The following ZFYVE19 variants were observed in gnomAD, a reference collection of about 807,000 sequenced individuals.
ZFYVE19 encodes the protein zinc finger FYVE-type containing 19, also known as abscission/NoCut checkpoint regulator.
A neutral mutation model predicts 62.8 loss-of-function variants in ZFYVE19; 49 were observed. That is an observed-to-expected ratio of 0.78 (90% confidence interval 0.62 to 0.99). ZFYVE19 has a LOEUF of 0.99. ZFYVE19 is among the 50% of genes least tolerant of loss of function. ZFYVE19 has a pLI of 0.00. For missense variants in ZFYVE19, 630 were observed against 601.9 expected (o/e 1.05, Z -0.49); for synonymous variants, 242 against 234.3 (o/e 1.03, Z -0.30).
chr15:40,809,760 G>T, intron 3 of ZFYVE19, 92 bp from the exon 4 acceptor site: 3 of 1,413,460 alleles, frequency 2.1e-6, no homozygotes, highest in Non-Finnish European at 3.0e-6. Context: ...TAAGTGCCCA[G>T]AAATGATTTG....
intron 6 of ZFYVE19, 142 bp from the exon 7 acceptor site, chr15:40,812,557 A>G (rs868528482): frequency 2.9e-4 from 134 of 464,916 alleles, no homozygotes; most frequent in African/African-American, 9.0e-4. Flanking sequence ...AAAAAAAAAA[A>G]AAAGAAAGAA....
Position 40,807,654 on chromosome 15 carries a change from C to A in ZFYVE19, c.65C>A (p.Ser22Tyr). ...PLPYAGCRRA[S>Y]GFPALGRGGT... ...CCGTACGCTGGCTGCAGGAGAGCGT[C>A]CGGATTCCCTGCTCTAGGTCGCGGC... The change falls in exon 1 of 11, where the codon TCC becomes TAC. Residue 22 changes from serine to tyrosine, a missense_variant. Transcript: ENST00000355341. 6.2e-7 allele frequency: 1 copy of A among 1,611,790 alleles called. No homozygotes were observed. The highest frequency in any genetic ancestry group is 8.5e-7 in the Non-Finnish European group (1 of 1,179,368).
chr15:40,807,998 C>A, intron 1 of ZFYVE19, 130 bp downstream of exon 1: 1 of 1,230,660 alleles, frequency 8.1e-7, no homozygotes, highest in Non-Finnish European at 1.2e-6. Flanking sequence ...CATTGATCCT[C>A]AGTTTCCATT....
At chr15:40,813,531 C>T (rs552969781) in intron 8 of ZFYVE19, 114 bp downstream of exon 8, 9 of 1,267,268 alleles carry the variant, frequency 7.1e-6, no homozygotes, top group African/African-American at 1.5e-5. Context: ...CTTTGGGCCC[C>T]CTCCTGTGAC....
chr15:40,807,575 G>C lies in ZFYVE19; in HGVS notation c.-15G>C, dbSNP rs748834881. The C allele has an allele frequency of 1.6e-5, 26 of 1,609,216 alleles. No homozygotes were observed. Among genetic ancestry groups the C allele is most frequent in the Non-Finnish European group, 2.2e-5 (26 of 1,177,372 alleles). Reference sequence around the variant, plus strand: ...GTCAGGCTTGACTGACTCTGAGGGAGGCCGGCAGTCGTGAATGAACTACGA... The same window carrying C: ...GTCAGGCTTGACTGACTCTGAGGGACGCCGGCAGTCGTGAATGAACTACGA... On this transcript the variant is annotated 5_prime_UTR_variant, in exon 1 of 11. Coordinates refer to ENST00000355341, the MANE Select transcript of ZFYVE19 (RefSeq NM_001077268.2).
chr15:40,810,095 T>TA lies in ZFYVE19; in HGVS notation c.597dup (p.Glu200ArgfsTer10), dbSNP rs1890432913. 2 of 1,614,124 alleles carry TA rather than the reference T, an allele frequency of 1.2e-6. No individual in the cohort carries two copies. Among genetic ancestry groups the TA allele is most frequent in the Non-Finnish European group, 1.7e-6 (2 of 1,180,020 alleles). ...GAGTTAGTCCCCTCACAGGCAGAGA[T>TA]AGAGGCACGGCTGGCTGCCCTAAAG... On this transcript the variant is annotated frameshift_variant, in exon 5 of 11. Coordinates refer to ENST00000355341, the MANE Select transcript of ZFYVE19 (RefSeq NM_001077268.2). LOFTEE classifies it high-confidence loss of function.
chr15:40,807,751 A>G lies in ZFYVE19; in HGVS notation c.162A>G (p.Pro54=), dbSNP rs375618032. The part of the protein sequence containing the change: ...GREGRSWGEG[P]RGPGLGRRDL... ...AAGGGCGGAGCTGGGGTGAGGGTCCAAGGGGCCCAGGACTTGGCCGGCGTG... is the reference window on the plus strand; with the variant it reads ...AAGGGCGGAGCTGGGGTGAGGGTCCGAGGGGCCCAGGACTTGGCCGGCGTG... The change falls in exon 1 of 11, where the codon CCA becomes CCG. Residue 54 remains proline, a synonymous_variant. Transcript: ENST00000355341. The G allele has an allele frequency of 6.3e-7, 1 of 1,591,220 alleles. No homozygotes were observed. Among genetic ancestry groups the G allele is most frequent in the African/African-American group, 1.3e-5 (1 of 74,718 alleles).
intron 6 of ZFYVE19, chr15:40,810,962 T>C: frequency 1.7e-6 from 1 of 581,452 alleles, no homozygotes; most frequent in Non-Finnish European, 2.9e-6. Flanking sequence ...AGACAGTGAT[T>C]CCCATTTCTA....
chr15:40,809,322 C>G, intron 2 of ZFYVE19, 82 bp downstream of exon 2: 1 of 1,613,282 alleles, frequency 6.2e-7, no homozygotes. Flanking sequence ...TACTCTGTCG[C>G]GAGAGTCAGC....
chr15:40,809,085 G>C, intron 1 of ZFYVE19, 34 bp from the exon 2 acceptor site: 4 of 1,609,844 alleles, frequency 2.5e-6, no homozygotes, highest in Non-Finnish European at 3.4e-6. Flanking sequence ...AGGGGCGGGT[G>C]AGAGGGGGAT....
Position 40,809,990 on chromosome 15 carries a change from G to T in ZFYVE19, c.571+20G>T, listed in dbSNP as rs375216863. 7.7e-4 allele frequency: 1,239 copies of T among 1,614,192 alleles called. 14 individuals are homozygous for T. The South Asian group carries it at 0.013, about 16-fold the overall frequency. ...AGCCCAGTGAGCAGGGGCAGATGGG[G>T]TTGCCTAGAGGACACAGTCCAGGGC... On this transcript the variant is annotated intron_variant, in intron 4 of 10. Transcript: ENST00000355341.
intron 7 of ZFYVE19, 152 bp downstream of exon 7, chr15:40,813,054 G>C (rs984865401): frequency 2.2e-6 from 2 of 921,770 alleles, no homozygotes; most frequent in Non-Finnish European, 3.3e-6. Context: ...AGTGGGTGAG[G>C]AGTCAGGGGC....
At chr15:40,807,905 A>G in intron 1 of ZFYVE19, 37 bp downstream of exon 1, 4 of 1,551,854 alleles carry the variant, frequency 2.6e-6, no homozygotes, top group Non-Finnish European at 3.5e-6. Flanking sequence ...AGGGCCAGGG[A>G]GGAGAGGAGG....
At chr15:40,807,933 A>C in intron 1 of ZFYVE19, 65 bp downstream of exon 1, 1 of 1,538,094 alleles carries the variant, frequency 6.5e-7, no homozygotes, top group Admixed American at 1.9e-5. Flanking sequence ...GCGGGACTTA[A>C]CGTCCAAAGA....
At position 40,807,449 on chromosome 15, in the gene ZFYVE19, T is replaced by A; in HGVS notation, c.-141T>A. Reference sequence around the variant, plus strand: ...AAGAGCTCCTTGGTCACTGCCATGGTTCCGGCCTGACGGATTCGTACTACA... The same window carrying A: ...AAGAGCTCCTTGGTCACTGCCATGGATCCGGCCTGACGGATTCGTACTACA... On this transcript the variant is annotated 5_prime_UTR_variant, in exon 1 of 11. Coordinates refer to ENST00000355341, the MANE Select transcript of ZFYVE19 (RefSeq NM_001077268.2). The A allele has an allele frequency of 3.1e-6, 5 of 1,614,214 alleles. No individual in the cohort carries two copies. Among genetic ancestry groups the A allele is most frequent in the Non-Finnish European group, 4.2e-6 (5 of 1,180,014 alleles).
rs1890559834 is a variant in ZFYVE19 at position 40,813,412 on chromosome 15, C to A, written c.1105C>A (p.Gln369Lys). 1 of 1,604,278 alleles carries A rather than the reference C, an allele frequency of 6.2e-7. No homozygotes were observed. The highest frequency in any genetic ancestry group is 1.3e-5 in the African/African-American group (1 of 74,724). ...DEETAIQRVL[Q>K]QLTEEASLDE... ...GGAGACAGCCATCCAAAGAGTCCTG[C>A]AGCAGGTGGGCCTGGATTACCCACC... The change falls in exon 8 of 11, where the codon CAG becomes AAG. Residue 369 changes from glutamine to lysine, a missense_variant. By Grantham distance (53) the Gln-to-Lys change is moderately conservative. Transcript: ENST00000355341.
chr15:40,812,999 T>C, intron 7 of ZFYVE19, 97 bp downstream of exon 7: 1 of 1,366,550 alleles, frequency 7.3e-7, no homozygotes, highest in Non-Finnish European at 1.0e-6. Flanking sequence ...CCCAGAGATC[T>C]ACTGAGCCCA....
At chr15:40,810,950 TCAGA>T in intron 6 of ZFYVE19, 193 bp downstream of exon 6, 2 of 633,258 alleles carry the variant, frequency 3.2e-6, no homozygotes, top group Middle Eastern at 3.8e-4. Context: ...GGCTTTAGAA[TCAGA>T]CAGTGATTCC....
rs1228997438 is a variant in ZFYVE19, at chr15:40,813,417, G to T, written c.1110G>T (p.Gln370His). 2 of 1,601,066 alleles carry T rather than the reference G, an allele frequency of 1.2e-6. No homozygotes were observed. Among genetic ancestry groups the T allele is most frequent in the Middle Eastern group, 3.3e-4 (2 of 6,050 alleles). ...CAGCCATCCAAAGAGTCCTGCAGCA[G>T]GTGGGCCTGGATTACCCACCTGCCA... ...EETAIQRVLQ[Q>H]LTEEASLDEA... is the part of the protein sequence containing the mutation. The change falls in exon 8 of 11, where the codon CAG becomes CAT. Residue 370 changes from glutamine to histidine, a missense_variant and splice_region_variant. Physicochemically the swap from Gln to His is conservative, Grantham distance 24. Transcript: ENST00000355341.
Sources: gnomAD v4.1 joint callset for allele counts on GRCh38, gnomAD v4.1.1 for gene constraint, MANE v1.5 for transcripts, NCBI Gene and HGNC (gene_info 2026-07-23, HGNC 2026-07-21) for gene names.